Variants in ZC3H14 observed in about 807,000 individuals in gnomAD.
The protein encoded by ZC3H14 is zinc finger CCCH-type containing 14, also known as zinc finger CCCH domain-containing protein 14.
ZC3H14 carries 31 observed loss-of-function variants against 92.4 expected under a neutral mutation model. That is an observed-to-expected ratio of 0.34 (90% CI 0.25 to 0.45). The LOEUF (loss-of-function observed/expected upper bound fraction) is 0.45. ZC3H14 is among the 20% of genes least tolerant of loss of function. ZC3H14 has a pLI of 1.00. For missense variants in ZC3H14, 781 were observed against 897.3 expected (o/e 0.87, Z 1.66); for synonymous variants, 321 against 300.9 (o/e 1.07, Z -0.69).
chr14:88,589,767 C>G (rs1462062771), intron 9 of ZC3H14: 1 of 152,262 alleles, frequency 6.6e-6, no homozygotes, highest in African/African-American at 2.4e-5. Flanking sequence ...CTTGTTCCAC[C>G]TGTCAGCCTC....
chr14:88,569,229 T>G (rs2080085464), intron 3 of ZC3H14, among the ~76,000 whole-genome samples: 1 of 152,162 alleles, frequency 6.6e-6, no homozygotes, highest in Non-Finnish European at 1.5e-5. Context: ...TTTTTTGAAC[T>G]GGGTTGGCTT....
Position 88,615,744 on chromosome 14 carries a change from C to T in ZC3H14, c.*3993C>T. On this transcript the variant is annotated 3_prime_UTR_variant, in exon 17 of 17. Transcript: ENST00000251038. The stretch of plus-strand genomic sequence containing the variant: ...CTTGGGTTAGCACCACTTGACCATG[C>T]AGGGTTGGGTTTTGGTTTTTCTTCT... The T allele has an allele frequency of 6.9e-7, 1 of 1,443,652 alleles. No homozygotes were observed. Among genetic ancestry groups the T allele is most frequent in the Non-Finnish European group, 9.5e-7 (1 of 1,049,792 alleles). 89.4% of individuals were successfully genotyped at this position (1,443,652 alleles called of 1,614,324 possible). A position where few individuals can be genotyped will look rare whatever the true frequency, so the allele number is the denominator to read the frequency against.
At chr14:88,611,299 A>AGAGAT (rs1004459451) in intron 16 of ZC3H14, among the ~76,000 whole-genome samples, 1 of 151,980 alleles carries the variant, frequency 6.6e-6, no homozygotes, top group African/African-American at 2.4e-5. Context: ...TATTTTAAGT[A>AGAGAT]GAGATGGGGT....
intron 2 of ZC3H14, among the ~76,000 whole-genome samples, chr14:88,565,341 C>G (rs1417415448): frequency 2.0e-5 from 3 of 151,954 alleles, no homozygotes; most frequent in Admixed American, 1.3e-4. Flanking sequence ...CAGGGTTTCA[C>G]CATGTTGGCC....
chr14:88,616,607 A>C lies in ZC3H14; in HGVS notation c.*4856A>C, dbSNP rs1462621422. 9.7e-7 allele frequency: 1 copy of C among 1,034,242 alleles called. No homozygotes were observed. The highest frequency in any genetic ancestry group is 1.4e-6 in the Non-Finnish European group (1 of 732,582). 64.1% of individuals were successfully genotyped at this position (1,034,242 alleles called of 1,614,324 possible). A position where few individuals can be genotyped will look rare whatever the true frequency, so the allele number is the denominator to read the frequency against. ...TATTTCAAAGTAAATAGATTTAGAAAGTTTGGGGAAAAATTTAGAAATTAG... is the reference window on the plus strand; with the variant it reads ...TATTTCAAAGTAAATAGATTTAGAACGTTTGGGGAAAAATTTAGAAATTAG... On this transcript the variant is annotated 3_prime_UTR_variant, in exon 17 of 17. Coordinates refer to ENST00000251038, the MANE Select transcript of ZC3H14 (RefSeq NM_024824.5).
At chr14:88,579,411 G>C (rs1412539992) in intron 9 of ZC3H14, among the ~76,000 whole-genome samples, 3 of 152,172 alleles carry the variant, frequency 2.0e-5, no homozygotes, top group Non-Finnish European at 4.4e-5. Flanking sequence ...CTGAAACTGA[G>C]GAGGGATTTT....
At chr14:88,577,527 A>G (rs2081325628) in intron 8 of ZC3H14, among the ~76,000 whole-genome samples, 2 of 152,014 alleles carry the variant, frequency 1.3e-5, no homozygotes, top group Admixed American at 1.3e-4. Flanking sequence ...AATGAATGGT[A>G]TCTATGGATT....
At position 88,613,080 on chromosome 14, in the gene ZC3H14, T is replaced by C. The variant is rs1424856721; in HGVS notation, c.*1329T>C. On this transcript the variant is annotated 3_prime_UTR_variant, in exon 17 of 17. Transcript: ENST00000251038. ...ACGTTTAAGATTGTCAAGCCAGCAG[T>C]CTACTGTTGTGTTGCCATTGCTTTT... The C allele has an allele frequency of 6.6e-6, 1 of 152,430 alleles. No homozygotes were observed. Among genetic ancestry groups the C allele is most frequent in the Non-Finnish European group, 1.5e-5 (1 of 68,040 alleles). The allele number at this position is 152,430 out of a possible 1,614,324, so 9.4% of individuals were successfully genotyped here.
chr14:88,571,701 C>T (rs1304541668), intron 4 of ZC3H14, among the ~76,000 whole-genome samples: 1 of 152,146 alleles, frequency 6.6e-6, no homozygotes, highest in South Asian at 2.1e-4. Flanking sequence ...GTGGCTCACG[C>T]CTGTAATCCC....
intron 3 of ZC3H14, among the ~76,000 whole-genome samples, chr14:88,570,128 G>A (rs2139549972): frequency 6.6e-6 from 1 of 152,184 alleles, no homozygotes; most frequent in South Asian, 2.1e-4. Flanking sequence ...ATTCTCATCT[G>A]GCCATAAATT....
chr14:88,592,257 AAC>A (rs2083230000), intron 9 of ZC3H14: 1 of 152,148 alleles, frequency 6.6e-6, no homozygotes, highest in South Asian at 2.1e-4. Context: ...TCTTGCTGTT[AAC>A]AGTTACTATG....
chr14:88,611,177 G>A (rs2086651410), intron 16 of ZC3H14, among the ~76,000 whole-genome samples: 1 of 152,108 alleles, frequency 6.6e-6, no homozygotes, highest in South Asian at 2.1e-4. Context: ...CCAGGTTGGA[G>A]TGCAGTCACA....
rs562039516 is a variant in ZC3H14 at position 88,572,146 on chromosome 14, G to A, written c.352G>A (p.Ala118Thr). 1 of 1,614,104 alleles carries A rather than the reference G, an allele frequency of 6.2e-7. No individual in the cohort carries two copies. The highest frequency in any genetic ancestry group is 1.1e-5 in the South Asian group (1 of 91,082). The change falls in exon 5 of 17, where the codon GCC becomes ACC. Residue 118 changes from alanine (A) to threonine (T), a missense_variant. Transcript: ENST00000251038. ...GCATGAAGCTGCAGTGCCACCACTTGCCATTCCTAGCGCGAGACCTGAAAA... is the reference window on the plus strand; with the variant it reads ...GCATGAAGCTGCAGTGCCACCACTTACCATTCCTAGCGCGAGACCTGAAAA... Reference protein sequence around the residue: ...RRHEAAVPPLAIPSARPEKRD... With the variant: ...RRHEAAVPPLTIPSARPEKRD...
intron 9 of ZC3H14, chr14:88,590,134 A>C (rs1174561717): frequency 1.3e-5 from 2 of 152,020 alleles, no homozygotes; most frequent in East Asian, 1.9e-4. Context: ...TGTCTCCAAA[A>C]AAAAAAAGGC....
chr14:88,627,591 C>A lies in ZC3H14; in HGVS notation c.*15840C>A. On this transcript the variant is annotated 3_prime_UTR_variant, in exon 17 of 17. Coordinates refer to ENST00000251038, the MANE Select transcript of ZC3H14 (RefSeq NM_024824.5). ...AAGACAAATATTAAATACAGAATTC[C>A]TACTACCTTTGTATTCTTGTTTTTT... 6.6e-7 allele frequency: 1 copy of A among 1,510,754 alleles called. No homozygotes were observed. The highest frequency in any genetic ancestry group is 1.4e-5 in the African/African-American group (1 of 71,968). The allele number at this position is 1,510,754 out of a possible 1,614,324, so 93.6% of individuals were successfully genotyped here.
At chr14:88,565,421 G>A (rs1160535377) in intron 2 of ZC3H14, among the ~76,000 whole-genome samples, 3 of 152,144 alleles carry the variant, frequency 2.0e-5, no homozygotes, top group African/African-American at 7.2e-5. Flanking sequence ...GATTACAGGT[G>A]TCAGCCACTG....
chr14:88,578,842 A>G lies in ZC3H14; in HGVS notation c.1279+702A>G, dbSNP rs533554333. On this transcript the variant is annotated intron_variant, in intron 9 of 16. Transcript: ENST00000251038. ...AGCTTTCTCCCCCAATTCCTATACA[A>G]TCTTTTGACTTTGAAAGTGTGTCTC... Among the ~76,000 whole-genome samples the G allele has an allele frequency of 2.2e-3, 296 of 134,484 alleles. 1 individual carries two copies. The highest frequency in any genetic ancestry group is 8.0e-3 in the African/African-American group (279 of 34,776). The allele number at this position is 134,484 out of a possible 152,430, so 88.2% of individuals were successfully genotyped here. A position where few individuals can be genotyped will look rare whatever the true frequency, so the allele number is the denominator to read the frequency against.
chr14:88,570,676 C>T (rs1595512295), intron 3 of ZC3H14, among the ~76,000 whole-genome samples: 1 of 152,054 alleles, frequency 6.6e-6, no homozygotes, highest in Non-Finnish European at 1.5e-5. Flanking sequence ...ATATTCTTTC[C>T]CATATTTTTG....
rs562482335 is a variant in ZC3H14 at position 88,610,438 on chromosome 14, TATTAAA to T, written c.2098-393_2098-388del. Among the ~76,000 whole-genome samples the T allele has an allele frequency of 2.7e-3, 413 of 152,264 alleles. 1 individual carries two copies. The highest frequency in any genetic ancestry group is 4.7e-3 in the Non-Finnish European group (322 of 68,016). ...AGTCCATTTTTCAAGGCTTCACTAG[TATTAAA>T]ATGGTCCTTATAGATGGAATCTCTT... On this transcript the variant is annotated intron_variant, in intron 15 of 16. Transcript: ENST00000251038.
Sources: allele counts gnomAD v4.1 joint callset (sites outside exome capture counted in the v4.1 genomes callset), GRCh38; gene constraint gnomAD v4.1.1; transcripts MANE v1.5; gene names NCBI Gene and HGNC (gene_info 2026-07-23, HGNC 2026-07-21).